The following UGT1A8 variants were observed in gnomAD, a reference collection of about 807,000 sequenced individuals.
UGT1A8 encodes the protein UDP-glucuronosyltransferase 1A8.
Under a neutral mutation model 45.3 loss-of-function variants are expected in UGT1A8, and 39 were observed. The observed-to-expected ratio is 0.86, with a 90% CI of 0.67 to 1.12. UGT1A8 has a LOEUF of 1.12. Among genes scored for constraint, UGT1A8 ranks in the 50% most tolerant of loss-of-function variants. The probability of loss-of-function intolerance (pLI) is 0.00; values close to 1 mark genes in which losing one functional copy is unlikely to be tolerated. For synonymous variants in UGT1A8, 275 were observed against 249.2 expected (o/e 1.10, Z -0.97); for missense variants, 719 against 664.9 (o/e 1.08, Z -0.90).
chr2:233,676,572 A>G (rs746387974), intron 1 of UGT1A8, among the ~76,000 whole-genome samples: 6 of 152,162 alleles, frequency 3.9e-5, no homozygotes, highest in Non-Finnish European at 8.8e-5. Flanking sequence ...TCCCAGTGAT[A>G]CCACCTGAAA....
intron 1 of UGT1A8, among the ~76,000 whole-genome samples, chr2:233,765,881 T>G (rs1234531270): frequency 6.6e-6 from 1 of 152,054 alleles, no homozygotes; most frequent in Non-Finnish European, 1.5e-5. Flanking sequence ...GGGCTCACTT[T>G]CTCAGTGCGC....
At chr2:233,630,997 C>G (rs370394922) in intron 1 of UGT1A8, among the ~76,000 whole-genome samples, 3 of 152,042 alleles carry the variant, frequency 2.0e-5, no homozygotes, top group Non-Finnish European at 2.9e-5. Context: ...GCCCTCACCC[C>G]CCGACAGGCC....
intron 1 of UGT1A8, chr2:233,743,936 C>T (rs766652895): frequency 1.3e-5 from 17 of 1,355,746 alleles, no homozygotes; most frequent in Non-Finnish European, 1.7e-5. Context: ...CCAGAACGGC[C>T]CACCAGGCAC....
chr2:233,618,233 T>G lies in UGT1A8; in HGVS notation c.526T>G (p.Tyr176Asp). 1.2e-6 allele frequency: 2 copies of G among 1,613,974 alleles called. No individual in the cohort carries two copies. Residue 176 changes from tyrosine (Y) to aspartate (D), a missense_variant, in exon 1 of 5, where the codon TAT becomes GAT. By Grantham distance (160) the Tyr-to-Asp change is radical. Transcript: ENST00000373450. Reference protein sequence around the residue: ...VVFARGIACHYLEEGAQCPAP... With the variant: ...VVFARGIACHDLEEGAQCPAP... ...CTTCGCCAGGGGAATAGCTTGCCAC[T>G]ATCTTGAAGAAGGTGCACAGTGCCC...
chr2:233,706,043 C>T (rs1342276693), intron 1 of UGT1A8, among the ~76,000 whole-genome samples: 1 of 152,002 alleles, frequency 6.6e-6, no homozygotes, highest in East Asian at 1.9e-4. Flanking sequence ...TGCAGTGAGC[C>T]GAGATCACGC....
intron 1 of UGT1A8, among the ~76,000 whole-genome samples, chr2:233,735,242 T>G (rs989843667): frequency 6.6e-6 from 1 of 152,236 alleles, no homozygotes; most frequent in African/African-American, 2.4e-5. Flanking sequence ...CTCTTGTTGT[T>G]GAATTGCTCC....
chr2:233,747,214 A>T, intron 1 of UGT1A8: 1 of 1,605,452 alleles, frequency 6.2e-7, no homozygotes, highest in Non-Finnish European at 8.5e-7. Flanking sequence ...TTCTGCTGAG[A>T]TGGCCACAGG....
At chr2:233,700,807 G>T (rs934184744) in intron 1 of UGT1A8, among the ~76,000 whole-genome samples, 3 of 151,808 alleles carry the variant, frequency 2.0e-5, no homozygotes, top group East Asian at 3.9e-4. Flanking sequence ...GTGCCATGTT[G>T]GTGTGCTGCA....
intron 1 of UGT1A8, among the ~76,000 whole-genome samples, chr2:233,619,737 G>T (rs1016582537): frequency 3.9e-5 from 6 of 152,046 alleles, no homozygotes; most frequent in Non-Finnish European, 4.4e-5. Context: ...TTTTGCGTAT[G>T]TATCTTGTAT....
chr2:233,740,944 C>A (rs1030329888), intron 1 of UGT1A8: 6 of 151,278 alleles, frequency 4.0e-5, no homozygotes, highest in African/African-American at 1.5e-4. Flanking sequence ...TTTTAATTAG[C>A]TAGGTGTGGT....
chr2:233,719,613 T>C, intron 1 of UGT1A8: 6 of 1,614,096 alleles, frequency 3.7e-6, no homozygotes, highest in Non-Finnish European at 5.1e-6. Flanking sequence ...TGTGATGGAC[T>C]ACCCCAGGCC....
intron 1 of UGT1A8, among the ~76,000 whole-genome samples, chr2:233,756,524 T>C (rs1159004453): frequency 6.6e-6 from 1 of 152,188 alleles, no homozygotes; most frequent in Non-Finnish European, 1.5e-5. Flanking sequence ...GTGCATGTTA[T>C]TCACTTTTCT....
intron 1 of UGT1A8, among the ~76,000 whole-genome samples, chr2:233,689,511 A>T (rs1348253197): frequency 1.3e-5 from 2 of 152,244 alleles, no homozygotes; most frequent in Admixed American, 1.3e-4. Flanking sequence ...GAGGTTACAC[A>T]TTGGTTTGGT....
At chr2:233,644,603 C>T (rs941675133) in intron 1 of UGT1A8, among the ~76,000 whole-genome samples, 1 of 151,872 alleles carries the variant, frequency 6.6e-6, no homozygotes, top group Non-Finnish European at 1.5e-5. Flanking sequence ...TAAACGCTCT[C>T]TCAGTGGGTG....
At chr2:233,734,972 G>C (rs1474652770) in intron 1 of UGT1A8, among the ~76,000 whole-genome samples, 2 of 152,238 alleles carry the variant, frequency 1.3e-5, no homozygotes, top group East Asian at 1.9e-4. Context: ...ATGTGGTGCT[G>C]AGAAGAATGT....
intron 1 of UGT1A8, among the ~76,000 whole-genome samples, chr2:233,643,654 C>T (rs951880809): frequency 6.6e-6 from 1 of 152,128 alleles, no homozygotes; most frequent in East Asian, 1.9e-4. Flanking sequence ...TGGGAATGTG[C>T]TGAATCTCAC....
chr2:233,716,022 C>A (rs1245337561), intron 1 of UGT1A8, among the ~76,000 whole-genome samples: 2 of 152,150 alleles, frequency 1.3e-5, no homozygotes, highest in African/African-American at 2.4e-5. Context: ...CTGATAGTTT[C>A]TTTTGATGTC....
At chr2:233,623,360 A>G (rs113454215) in intron 1 of UGT1A8, among the ~76,000 whole-genome samples, 2 of 152,192 alleles carry the variant, frequency 1.3e-5, no homozygotes, top group Non-Finnish European at 2.9e-5. Flanking sequence ...ATCCATGAGC[A>G]TGGAATGTTC....
At chr2:233,619,851 T>G (rs530072385) in intron 1 of UGT1A8, among the ~76,000 whole-genome samples, 1 of 152,204 alleles carries the variant, frequency 6.6e-6, no homozygotes, top group African/African-American at 2.4e-5. Flanking sequence ...TTATACTGCT[T>G]CTTTTGCTTT....
Sources: gnomAD v4.1 joint callset for allele counts (sites outside exome capture counted in the v4.1 genomes callset) on GRCh38, gnomAD v4.1.1 for gene constraint, MANE v1.5 for transcripts, NCBI Gene and HGNC (gene_info 2026-07-23, HGNC 2026-07-21) for gene names.